Variants in CENPP observed in about 807,000 individuals in gnomAD.
The protein encoded by CENPP is centromere protein P.
CENPP carries 24 observed loss-of-function variants against 35.6 expected under a neutral mutation model. The observed-to-expected ratio is 0.67, with a 90% confidence interval of 0.49 to 0.95. The LOEUF (loss-of-function observed/expected upper bound fraction) is 0.95. CENPP is among the 40% of genes least tolerant of loss of function. CENPP has a pLI of 0.00. For missense variants in CENPP, 332 were observed against 345.3 expected, an observed-to-expected ratio of 0.96 and a Z score of 0.31; for synonymous variants, 120 against 125.5, an observed-to-expected ratio of 0.96 and a Z score of 0.29.
At chr9:92,500,646 C>T in intron 5 of CENPP, 1 of 1,403,482 alleles carries the variant, frequency 7.1e-7, no homozygotes. Flanking sequence ...AACGTAAATC[C>T]CAGAGATCAT....
intron 5 of CENPP, among the ~76,000 whole-genome samples, chr9:92,382,393 G>T (rs938123567): frequency 6.6e-5 from 10 of 151,912 alleles, no homozygotes; most frequent in African/African-American, 9.7e-5. Context: ...GTATCTTCTA[G>T]CTATTTGAAA....
At chr9:92,580,657 A>G (rs1436282462) in intron 5 of CENPP, among the ~76,000 whole-genome samples, 1 of 151,688 alleles carries the variant, frequency 6.6e-6, no homozygotes, top group African/African-American at 2.4e-5. Flanking sequence ...TATCCCCTTT[A>G]TCATTTTTTA....
At chr9:92,513,543 C>T (rs1847492933) in intron 5 of CENPP, among the ~76,000 whole-genome samples, 1 of 152,160 alleles carries the variant, frequency 6.6e-6, no homozygotes, top group Non-Finnish European at 1.5e-5. Context: ...CTGGAAACAA[C>T]TCAGATGACG....
At position 92,494,053 on chromosome 9, in the gene CENPP, C is replaced by T. The variant is rs1318124140; in HGVS notation, c.564+114194C>T. On this transcript the variant is annotated intron_variant, in intron 5 of 7. Coordinates refer to ENST00000375587, the MANE Select transcript of CENPP (RefSeq NM_001012267.3). ...TGACTGCACAGCACTTGCCTGCTTA[C>T]TTGTCTGTTTGATTTCCTGCTTATT... is the stretch of plus-strand genomic sequence containing the variant. The T allele has an allele frequency of 3.1e-6, 5 of 1,594,938 alleles. No homozygotes were observed. The East Asian group carries it at 6.7e-5, about 21-fold the overall frequency.
intron 5 of CENPP, chr9:92,511,930 T>G (rs372520319): frequency 9.5e-7 from 1 of 1,049,562 alleles, no homozygotes; most frequent in African/African-American, 1.7e-5. Flanking sequence ...CATTTTCCTT[T>G]TCCTCCCTTC....
At chr9:92,345,015 G>C (rs181845277) in intron 3 of CENPP, among the ~76,000 whole-genome samples, 2 of 151,708 alleles carry the variant, frequency 1.3e-5, no homozygotes, top group African/African-American at 4.8e-5. Context: ...ACTTTGGGAG[G>C]CTGAGGCAGG....
At chr9:92,534,680 G>C (rs1849057586) in intron 5 of CENPP, among the ~76,000 whole-genome samples, 1 of 152,152 alleles carries the variant, frequency 6.6e-6, no homozygotes, top group African/African-American at 2.4e-5. Flanking sequence ...AATTCAGAGA[G>C]CAAAGTAGTA....
intron 4 of CENPP, among the ~76,000 whole-genome samples, chr9:92,369,098 A>C (rs1321036241): frequency 6.6e-6 from 1 of 152,196 alleles, no homozygotes; most frequent in Non-Finnish European, 1.5e-5. Flanking sequence ...ACTAACAACT[A>C]ATAATATAGT....
intron 5 of CENPP, among the ~76,000 whole-genome samples, chr9:92,534,501 T>C (rs961677522): frequency 6.6e-6 from 1 of 152,338 alleles, no homozygotes; most frequent in South Asian, 2.1e-4. Flanking sequence ...GCCACAGTCA[T>C]TTGAAAACCA....
intron 5 of CENPP, chr9:92,600,579 G>A (rs1850886516): frequency 3.7e-6 from 6 of 1,606,240 alleles, no homozygotes; most frequent in Middle Eastern, 3.6e-4. Context: ...AAGCCCTTGC[G>A]AGGGTTCTGG....
At chr9:92,437,134 G>A (rs1951849) in intron 5 of CENPP, among the ~76,000 whole-genome samples, 38,276 of 152,036 alleles carry the variant, frequency 0.25, 6,999 homozygotes, top group African/African-American at 0.51. Flanking sequence ...CCCAGGGGTC[G>A]GAGGTTGCAG....
chr9:92,598,181 G>A (rs1850825586), intron 5 of CENPP, among the ~76,000 whole-genome samples: 2 of 152,314 alleles, frequency 1.3e-5, no homozygotes, highest in South Asian at 4.1e-4. Context: ...TTGGGGGTGT[G>A]GGTTTTGTGA....
chr9:92,565,954 C>T (rs76804934), intron 5 of CENPP, among the ~76,000 whole-genome samples: 56 of 152,112 alleles, frequency 3.7e-4, no homozygotes, highest in African/African-American at 1.2e-3. Context: ...TGATTCTTAG[C>T]GTTACCATAT....
At chr9:92,504,150 T>A (rs1255454137) in intron 5 of CENPP, among the ~76,000 whole-genome samples, 1 of 152,216 alleles carries the variant, frequency 6.6e-6, no homozygotes, top group Non-Finnish European at 1.5e-5. Context: ...TTTAATTTTT[T>A]AATTATTCAT....
intron 4 of CENPP, among the ~76,000 whole-genome samples, chr9:92,355,731 C>T (rs968892688): frequency 2.9e-4 from 44 of 152,192 alleles, no homozygotes; most frequent in African/African-American, 1.0e-3. Context: ...CATAAATTCT[C>T]AATATTTCAT....
rs1021834304 is a variant in CENPP, at chr9:92,616,549, T to G, written c.*3400T>G. ...ATGGAATGTCGACAAGCCTTCTTCT[T>G]TGCCTCTCCTGTCTGCTGAGAAACG... On this transcript the variant is annotated 3_prime_UTR_variant, in exon 8 of 8. Transcript: ENST00000375587. 1 of 155,012 alleles carries G rather than the reference T, an allele frequency of 6.5e-6. No individual in the cohort carries two copies. The highest frequency in any genetic ancestry group is 2.0e-4 in the South Asian group (1 of 5,040). 9.6% of individuals were successfully genotyped at this position (155,012 alleles called of 1,614,324 possible).
chr9:92,416,800 G>A (rs1033826314), intron 5 of CENPP: 45 of 1,613,662 alleles, frequency 2.8e-5, no homozygotes, highest in Non-Finnish European at 3.7e-5. Context: ...GAAGTTTGTC[G>A]AAGTATTTTT....
chr9:92,613,167 T>C lies in CENPP; in HGVS notation c.*18T>C. On this transcript the variant is annotated 3_prime_UTR_variant, in exon 8 of 8. Coordinates refer to ENST00000375587, the MANE Select transcript of CENPP (RefSeq NM_001012267.3). ...ACAACTAGTTCCAAAACAGTGAACG[T>C]GGAGGATGAAGATGCTGCGTGGAGG... The C allele has an allele frequency of 6.2e-7, 1 of 1,613,982 alleles. No individual in the cohort carries two copies. The highest frequency in any genetic ancestry group is 2.2e-5 in the East Asian group (1 of 44,872).
Position 92,479,939 on chromosome 9 carries a change from G to A in CENPP, c.564+100080G>A, listed in dbSNP as rs1386102329. 5.3e-5 allele frequency among the ~76,000 whole-genome samples: 8 copies of A among 152,226 alleles called. No individual in the cohort carries two copies. The East Asian group carries it at 1.2e-3, about 22-fold the overall frequency. On this transcript the variant is annotated intron_variant, in intron 5 of 7. Coordinates refer to ENST00000375587, the MANE Select transcript of CENPP (RefSeq NM_001012267.3). ...GGAAAATAATGGAATGTCTAGGAGA[G>A]AACCCTAGATAGCAGTATTTTTTTC...
Sources: allele counts gnomAD v4.1 joint callset (sites outside exome capture counted in the v4.1 genomes callset), GRCh38; gene constraint gnomAD v4.1.1; transcripts MANE v1.5; gene names NCBI Gene and HGNC (gene_info 2026-07-23, HGNC 2026-07-21).